EPHB3: variants seen among roughly 807,000 people sequenced by gnomAD.
EPHB3 encodes ephrin type-B receptor 3.
A neutral mutation model predicts 100.2 loss-of-function variants in EPHB3; 33 were observed. The observed-to-expected ratio is 0.33, with a 90% CI of 0.25 to 0.44. The LOEUF (loss-of-function observed/expected upper bound fraction) is 0.44, where lower values mean the gene tolerates loss of function less well. Among genes scored for constraint, EPHB3 ranks in the 20% least tolerant of loss-of-function variants. EPHB3 has a pLI of 1.00. For synonymous variants in EPHB3, 526 were observed against 554.7 expected (o/e 0.95, Z 0.73); for missense variants, 1,045 against 1,378.3 (o/e 0.76, Z 3.83).
rs1714303902 is a variant in EPHB3 at position 184,563,220 on chromosome 3, A to G, written c.118+867A>G. On this transcript the variant is annotated intron_variant, in intron 1 of 15. Coordinates refer to ENST00000330394, the MANE Select transcript of EPHB3 (RefSeq NM_004443.4). This position sits in a 1 kb window ranked among gnomAD's most constrained non-coding sequence, Gnocchi z 4.1. ...CACTTGACACAAGCTTGCCGCGGAC[A>G]GAGGCCCCAACACCAGCCACAAACA... Among the ~76,000 whole-genome samples, 1 of 152,186 alleles carries G rather than the reference A, an allele frequency of 6.6e-6. No homozygotes were observed. Among genetic ancestry groups the G allele is most frequent in the Non-Finnish European group, 1.5e-5 (1 of 68,034 alleles).
Position 184,580,404 on chromosome 3 carries a change from C to T in EPHB3, c.2175C>T (p.Leu725=). ...ENCALDSFLR[L]NDGQFTVIQL... is the part of the protein sequence containing the mutation. ...CTGAGCCTGCTTGTTGCCTGCAGCTCAACGATGGGCAGTTCACGGTCATCC... is the reference window on the plus strand; with the variant it reads ...CTGAGCCTGCTTGTTGCCTGCAGCTTAACGATGGGCAGTTCACGGTCATCC... The change falls in exon 12 of 16, where the codon CTC becomes CTT. Residue 725 remains leucine (L), a splice_region_variant and synonymous_variant. Coordinates refer to ENST00000330394, the MANE Select transcript of EPHB3 (RefSeq NM_004443.4). 1 of 1,614,168 alleles carries T rather than the reference C, an allele frequency of 6.2e-7. No homozygotes were observed. Among genetic ancestry groups the T allele is most frequent in the Non-Finnish European group, 8.5e-7 (1 of 1,180,030 alleles).
chr3:184,562,957 C>T lies in EPHB3; in HGVS notation c.118+604C>T, dbSNP rs1400783527. Among the ~76,000 whole-genome samples, 1 of 152,236 alleles carries T rather than the reference C, an allele frequency of 6.6e-6. No individual in the cohort carries two copies. Among genetic ancestry groups the T allele is most frequent in the African/African-American group, 2.4e-5 (1 of 41,462 alleles). ...CGCACCCTTTGTGGAGGCTCCCTCT[C>T]CGCCTGCTAGAGCAGGGCTTGGGTC... On this transcript the variant is annotated intron_variant, in intron 1 of 15. Coordinates refer to ENST00000330394, the MANE Select transcript of EPHB3 (RefSeq NM_004443.4). The surrounding 1 kb of genome is among the most constrained non-coding windows in gnomAD (Gnocchi z 4.8).
intron 1 of EPHB3, among the ~76,000 whole-genome samples, chr3:184,570,710 G>A (rs1259791496): frequency 1.3e-5 from 2 of 152,202 alleles, no homozygotes; most frequent in Admixed American, 6.5e-5. Flanking sequence ...AGGCCCTGCC[G>A]GCCCCTTTGT....
Position 184,579,840 on chromosome 3 carries a change from A to G in EPHB3, c.2078A>G (p.Asn693Ser), listed in dbSNP as rs755668878. The G allele has an allele frequency of 5.6e-6, 9 of 1,613,538 alleles. No individual in the cohort carries two copies. The highest frequency in any genetic ancestry group is 3.3e-4 in the Middle Eastern group (2 of 6,082). ...ATCATGGGTCAGTTTGATCACCCCAATATAATCCGGCTCGAGGGCGTGGTC... is the reference window on the plus strand; with the variant it reads ...ATCATGGGTCAGTTTGATCACCCCAGTATAATCCGGCTCGAGGGCGTGGTC... ...ASIMGQFDHPNIIRLEGVVTK... is the reference protein window; with the variant it reads ...ASIMGQFDHPSIIRLEGVVTK... The change falls in exon 11 of 16, where the codon AAT (asparagine) becomes AGT (serine). Residue 693 changes from asparagine to serine, a missense_variant. Asn to Ser is a conservative substitution (Grantham distance 46, BLOSUM62 1). Around this residue, in one of 2 missense-constraint regions of EPHB3, gnomAD observed 985 missense variants for 1,331.1 expected, o/e 0.74. Coordinates refer to ENST00000330394, the MANE Select transcript of EPHB3 (RefSeq NM_004443.4). This position sits in a 1 kb window ranked among gnomAD's most constrained non-coding sequence, Gnocchi z 5.2.
chr3:184,562,213 C>T lies in EPHB3; in HGVS notation c.-23C>T. Reference sequence around the variant, plus strand: ...CGGCCCGGCCCGGCGCGGCCCGGCTCGGCTCCTAGAGCTGCCACGGCCATG... The same window carrying T: ...CGGCCCGGCCCGGCGCGGCCCGGCTTGGCTCCTAGAGCTGCCACGGCCATG... On this transcript the variant is annotated 5_prime_UTR_variant, in exon 1 of 16. Transcript: ENST00000330394. The surrounding 1 kb of genome is among the most constrained non-coding windows in gnomAD (Gnocchi z 4.8). 1.5e-6 allele frequency: 1 copy of T among 672,188 alleles called. No individual in the cohort carries two copies. Among genetic ancestry groups the T allele is most frequent in the Non-Finnish European group, 1.9e-6 (1 of 520,678 alleles). 41.6% of individuals were successfully genotyped at this position (672,188 alleles called of 1,614,324 possible).
Position 184,577,155 on chromosome 3 carries a change from G to T in EPHB3, c.1326G>T (p.Ala442=). ...AGAGCCCTCTGCCGCCTCGTTATGC[G>T]GCCGTGAATATCACCACAAACCAGG... ...SGKSPLPPRY[A]AVNITTNQAA... Residue 442 remains alanine, a synonymous_variant, in exon 5 of 16, where the codon GCG becomes GCT. Transcript: ENST00000330394. The surrounding 1 kb of genome is among the most constrained non-coding windows in gnomAD (Gnocchi z 4.9). 6.2e-7 allele frequency: 1 copy of T among 1,605,514 alleles called. No homozygotes were observed. The highest frequency in any genetic ancestry group is 8.5e-7 in the Non-Finnish European group (1 of 1,174,342).
rs745631531 is a variant in EPHB3, at chr3:184,572,737, C to T, written c.417C>T (p.Ser139=). 1.9e-5 allele frequency: 30 copies of T among 1,612,668 alleles called. No individual in the cohort carries two copies. Among genetic ancestry groups the T allele is most frequent in the East Asian group, 2.2e-5 (1 of 44,868 alleles). Residue 139 remains serine, a synonymous_variant, in exon 3 of 16, where the codon AGC becomes AGT. Transcript: ENST00000330394. The surrounding 1 kb of genome is among the most constrained non-coding windows in gnomAD (Gnocchi z 6.6). ...ACCTCTTCTACTACGAGGCTGACAG[C>T]GATGTGGCCTCAGCCTCCTCCCCCT... is the stretch of plus-strand genomic sequence containing the variant. ...TFNLFYYEAD[S]DVASASSPFW...
chr3:184,572,148 T>A lies in EPHB3; in HGVS notation c.184-356T>A, dbSNP rs538644603. ...CTCGTTTAGTTCCAAGCAGCCCCAT[T>A]TTACAGATGACAAAACTGAGGTATA... On this transcript the variant is annotated intron_variant, in intron 2 of 15. Transcript: ENST00000330394. This position sits in a 1 kb window ranked among gnomAD's most constrained non-coding sequence, Gnocchi z 6.6. Among the ~76,000 whole-genome samples the A allele has an allele frequency of 2.0e-5, 3 of 152,348 alleles. No individual in the cohort carries two copies.
At chr3:184,580,053 G>A (rs780688452) in intron 11 of EPHB3, 119 bp downstream of exon 11, 26 of 1,467,150 alleles carry the variant, frequency 1.8e-5, no homozygotes, top group Non-Finnish European at 2.4e-5. Flanking sequence ...AGGTGGCTTG[G>A]TGCAGGGAAA....
At position 184,569,293 on chromosome 3, in the gene EPHB3, C is replaced by G. The variant is rs1714481192; in HGVS notation, c.119-2025C>G. Among the ~76,000 whole-genome samples, 1 of 152,046 alleles carries G rather than the reference C, an allele frequency of 6.6e-6. No individual in the cohort carries two copies. ...CTCGCGCTGCCGGCTGGGGACGAGG[C>G]CGCCTGGCAACCTCCCTCTGTCCCT... On this transcript the variant is annotated intron_variant, in intron 1 of 15. Transcript: ENST00000330394. This position sits in a 1 kb window ranked among gnomAD's most constrained non-coding sequence, Gnocchi z 5.4.
chr3:184,564,444 G>A (rs1005139403), intron 1 of EPHB3, among the ~76,000 whole-genome samples: 1 of 152,270 alleles, frequency 6.6e-6, no homozygotes, highest in Non-Finnish European at 1.5e-5. Flanking sequence ...CTCACTGGGA[G>A]ACAGGATAGG....
At chr3:184,564,015 TTC>T (rs1714321981) in intron 1 of EPHB3, among the ~76,000 whole-genome samples, 2 of 152,080 alleles carry the variant, frequency 1.3e-5, no homozygotes, top group Admixed American at 1.3e-4. Flanking sequence ...TTCCCTTCCT[TTC>T]TGTCTTTCAA....
chr3:184,581,507 C>T lies in EPHB3; in HGVS notation c.2889-7C>T. On this transcript the variant is annotated splice_region_variant and splice_polypyrimidine_tract_variant and intron_variant, in intron 15 of 15. Transcript: ENST00000330394. ...AGGGACTGATCCTAATTTGGCTCCA[C>T]CTGCAGAGACCTGCTCCGTATTGGG... 1.2e-6 allele frequency: 2 copies of T among 1,611,400 alleles called. No homozygotes were observed. The highest frequency in any genetic ancestry group is 1.1e-5 in the South Asian group (1 of 90,610).
rs769518076 is a variant in EPHB3 at position 184,581,115 on chromosome 3, G to A, written c.2682G>A (p.Lys894=). Residue 894 remains lysine, a synonymous_variant, in exon 14 of 16, where the codon AAG becomes AAA. Transcript: ENST00000330394. ...KFSQIVNTLD[K]LIRNAASLKV... is the part of the protein sequence containing the mutation. ...CCCAGATTGTCAATACCCTGGACAAGCTCATCCGCAATGCTGCCAGCCTCA... is the reference window on the plus strand; with the variant it reads ...CCCAGATTGTCAATACCCTGGACAAACTCATCCGCAATGCTGCCAGCCTCA... The A allele has an allele frequency of 1.2e-6, 2 of 1,614,228 alleles. No individual in the cohort carries two copies. The highest frequency in any genetic ancestry group is 1.7e-5 in the Admixed American group (1 of 60,030).
rs1714560763 is a variant in EPHB3, at chr3:184,572,307, GCA to G, written c.184-194_184-193del. ...CCATGTTACAGATGGGGAAACTGAG[GCA>G]CATGGCGGTTAAGTGACTTACCCAT... is the stretch of plus-strand genomic sequence containing the variant. On this transcript the variant is annotated intron_variant, in intron 2 of 15. Coordinates refer to ENST00000330394, the MANE Select transcript of EPHB3 (RefSeq NM_004443.4). The surrounding 1 kb of genome is among the most constrained non-coding windows in gnomAD (Gnocchi z 6.6). Among the ~76,000 whole-genome samples, 1 of 152,156 alleles carries G rather than the reference GCA, an allele frequency of 6.6e-6. No homozygotes were observed.
chr3:184,580,673 G>C (rs1007094191), intron 12 of EPHB3, 56 bp downstream of exon 12: 6 of 1,608,938 alleles, frequency 3.7e-6, no homozygotes, highest in Non-Finnish European at 5.1e-6. Context: ...CCAGGGGCTC[G>C]GGCCTGGGGG....
rs1298042181 is a variant in EPHB3, at chr3:184,562,708, C to T, written c.118+355C>T. On this transcript the variant is annotated intron_variant, in intron 1 of 15. Transcript: ENST00000330394. The surrounding 1 kb of genome is among the most constrained non-coding windows in gnomAD (Gnocchi z 4.8). ...AAGTCGAGGACGTGTGGGCGACCCC[C>T]CAGGCAAGGCGAGGGCCGCGGGGCT... Among the ~76,000 whole-genome samples, 5 of 151,734 alleles carry T rather than the reference C, an allele frequency of 3.3e-5. No individual in the cohort carries two copies. The highest frequency in any genetic ancestry group is 1.2e-4 in the African/African-American group (5 of 41,258).
rs1458692639 is a variant in EPHB3 at position 184,579,724 on chromosome 3, G to A, written c.1962G>A (p.Gln654=). 4.3e-6 allele frequency: 7 copies of A among 1,612,724 alleles called. No individual in the cohort carries two copies. The highest frequency in any genetic ancestry group is 5.9e-6 in the Non-Finnish European group (7 of 1,179,272). The change falls in exon 11 of 16, where the codon CAG becomes CAA. Residue 654 remains glutamine, a synonymous_variant. Coordinates refer to ENST00000330394, the MANE Select transcript of EPHB3 (RefSeq NM_004443.4). This position sits in a 1 kb window ranked among gnomAD's most constrained non-coding sequence, Gnocchi z 5.2. ...AAGTGTGCCGTGGTCGACTGAAACA[G>A]CCTGGCCGCCGAGAGGTGTTTGTGG... The part of the protein sequence containing the change: ...FGEVCRGRLK[Q]PGRREVFVAI...
rs769343174 is a variant in EPHB3 at position 184,577,440 on chromosome 3, G to T, written c.1452G>T (p.Leu484=). 2.5e-6 allele frequency: 4 copies of T among 1,613,902 alleles called. No homozygotes were observed. ...CAGAGCGGCCCAACGGAGTCATCCTGGACTACGAGATGAAGTACTTTGAGA... is the reference window on the plus strand; with the variant it reads ...CAGAGCGGCCCAACGGAGTCATCCTTGACTACGAGATGAAGTACTTTGAGA... ...APPERPNGVI[L]DYEMKYFEKS... The change falls in exon 6 of 16, where the codon CTG becomes CTT. Residue 484 remains leucine, a synonymous_variant. Coordinates refer to ENST00000330394, the MANE Select transcript of EPHB3 (RefSeq NM_004443.4). The surrounding 1 kb of genome is among the most constrained non-coding windows in gnomAD (Gnocchi z 4.9).
Sources: allele counts gnomAD v4.1 joint callset (sites outside exome capture counted in the v4.1 genomes callset), GRCh38; gene constraint gnomAD v4.1.1; regional missense constraint gnomAD v4.1.1; non-coding constraint Gnocchi (gnomAD v3.1); transcripts MANE v1.5; gene names NCBI Gene and HGNC (gene_info 2026-07-23, HGNC 2026-07-21).